The following GNL1 variants were observed in gnomAD, a reference collection of about 807,000 sequenced individuals.
GNL1 encodes guanine nucleotide-binding protein-like 1.
In GNL1, 21 loss-of-function variants were observed where a neutral mutation model predicts 75.2. The ratio of observed to expected loss-of-function variants is 0.28; its 90% CI spans 0.20 to 0.40. The LOEUF (loss-of-function observed/expected upper bound fraction) is 0.40, where lower values mean the gene tolerates loss of function less well. GNL1 is among the 10% of genes least tolerant of loss of function. The pLI is 1.00. For synonymous variants in GNL1, 287 were observed against 303.4 expected, an observed-to-expected ratio of 0.95 and a Z score of 0.56; for missense variants, 579 against 775.0, an observed-to-expected ratio of 0.75 and a Z score of 3.00.
chr6:30,547,553 A>G lies in GNL1; in HGVS notation c.1100-23T>C. The G allele has an allele frequency of 6.2e-7, 1 of 1,606,600 alleles. No individual in the cohort carries two copies. The highest frequency in any genetic ancestry group is 8.5e-7 in the Non-Finnish European group (1 of 1,173,746). On this transcript the variant is annotated intron_variant, in intron 8 of 11. Coordinates refer to ENST00000376621, the MANE Select transcript of GNL1 (RefSeq NM_005275.5). The surrounding 1 kb of genome is among the most constrained non-coding windows in gnomAD (Gnocchi z 5.5). The stretch of plus-strand genomic sequence containing the variant: ...AACCTGAGGAAGGCAAGGAAAATTA[A>G]CGTTTAACAGGTTTCTACTCTGTGA...
In GNL1 at chr6:30,546,534, T is replaced by C; in HGVS notation, c.1582+162A>G. The C allele has an allele frequency of 1.4e-6, 1 of 711,656 alleles. No individual in the cohort carries two copies. Among genetic ancestry groups the C allele is most frequent in the South Asian group, 1.8e-5 (1 of 55,908 alleles). The allele number at this position is 711,656 out of a possible 1,614,324, so 44.1% of individuals were successfully genotyped here. A position where few individuals can be genotyped will look rare whatever the true frequency, so the allele number is the denominator to read the frequency against. ...TACAATCACTATGCTAAGGGTCAAT[T>C]ATTACCCTCAGTTTGCAGATCAGGA... is the stretch of plus-strand genomic sequence containing the variant. On this transcript the variant is annotated intron_variant, in intron 11 of 11. Coordinates refer to ENST00000376621, the MANE Select transcript of GNL1 (RefSeq NM_005275.5). This position sits in a 1 kb window ranked among gnomAD's most constrained non-coding sequence, Gnocchi z 5.1.
intron 8 of GNL1, among the ~76,000 whole-genome samples, chr6:30,551,746 G>A (rs1244257325): frequency 4.6e-5 from 7 of 152,190 alleles, no homozygotes; most frequent in Non-Finnish European, 8.8e-5. Flanking sequence ...TTAAAACAGT[G>A]CCTGTTACAT....
Position 30,552,458 on chromosome 6 carries a change from C to G in GNL1, c.1099+9G>C. 1 of 1,607,758 alleles carries G rather than the reference C, an allele frequency of 6.2e-7. No individual in the cohort carries two copies. Among genetic ancestry groups the G allele is most frequent in the Non-Finnish European group, 8.5e-7 (1 of 1,175,502 alleles). ...GGAGGCCACCACGCACAAGCTGCCA[C>G]TTCCTTACCCACACAGCCGATGGTC... On this transcript the variant is annotated intron_variant, in intron 8 of 11. Coordinates refer to ENST00000376621, the MANE Select transcript of GNL1 (RefSeq NM_005275.5). The surrounding 1 kb of genome is among the most constrained non-coding windows in gnomAD (Gnocchi z 4.5).
In GNL1 at chr6:30,546,689, C is replaced by A; in HGVS notation, c.1582+7G>T. 1 of 1,601,048 alleles carries A rather than the reference C, an allele frequency of 6.2e-7. No individual in the cohort carries two copies. The highest frequency in any genetic ancestry group is 8.5e-7 in the Non-Finnish European group (1 of 1,172,600). On this transcript the variant is annotated splice_region_variant and intron_variant, in intron 11 of 11. Transcript: ENST00000376621. The surrounding 1 kb of genome is among the most constrained non-coding windows in gnomAD (Gnocchi z 5.1). ...AGGGGGCTGGGGAAGAATATCTGGG[C>A]TCTGACCTTTCTGTTCACTGTAGCC...
At chr6:30,549,143 G>A (rs934008555) in intron 8 of GNL1, among the ~76,000 whole-genome samples, 6 of 151,988 alleles carry the variant, frequency 3.9e-5, no homozygotes, top group African/African-American at 1.2e-4. Flanking sequence ...GACCACAGGC[G>A]TGCGGCTCCA....
In GNL1 at chr6:30,546,249, T is replaced by C; in HGVS notation, c.1647A>G (p.Ala549=). Residue 549 remains alanine, a synonymous_variant, in exon 12 of 12, where the codon GCA becomes GCG. Transcript: ENST00000376621. This position sits in a 1 kb window ranked among gnomAD's most constrained non-coding sequence, Gnocchi z 5.1. Reference sequence around the variant, plus strand: ...CCTCTTCCTCCTCCTCCTCGTCACCTGCTGGCCCCACCCTGCCCTGCAAAA... The same window carrying C: ...CCTCTTCCTCCTCCTCCTCGTCACCCGCTGGCCCCACCCTGCCCTGCAAAA... ...LVVLQGRVGP[A]GDEEEEEEEE... 6.3e-7 allele frequency: 1 copy of C among 1,587,938 alleles called. No individual in the cohort carries two copies. Among genetic ancestry groups the C allele is most frequent in the Admixed American group, 1.8e-5 (1 of 56,696 alleles).
rs371517330 is a variant in GNL1, at chr6:30,546,120, G to A, written c.1776C>T (p.Ser592=). 50 of 1,578,916 alleles carry A rather than the reference G, an allele frequency of 3.2e-5. No individual in the cohort carries two copies. Among genetic ancestry groups the A allele is most frequent in the Non-Finnish European group, 4.1e-5 (48 of 1,162,482 alleles). The part of the protein sequence containing the change: ...EETPTSAPGS[S]LAGRNPYALL... Reference sequence around the variant, plus strand: ...GGGCATAAGGGTTTCGGCCAGCCAGGCTGGACCCTGGAGCCGAGGTTGGGG... The same window carrying A: ...GGGCATAAGGGTTTCGGCCAGCCAGACTGGACCCTGGAGCCGAGGTTGGGG... Residue 592 remains serine (S), a synonymous_variant, in exon 12 of 12, where the codon AGC becomes AGT. Transcript: ENST00000376621. This position sits in a 1 kb window ranked among gnomAD's most constrained non-coding sequence, Gnocchi z 5.1.
In GNL1 at chr6:30,546,809, G is replaced by A; in HGVS notation, c.1469C>T (p.Thr490Ile). The A allele has an allele frequency of 6.3e-7, 1 of 1,592,984 alleles. No homozygotes were observed. Among genetic ancestry groups the A allele is most frequent in the South Asian group, 1.1e-5 (1 of 90,342 alleles). The change falls in exon 11 of 12, where the codon ACA becomes ATA. Residue 490 changes from threonine (T) to isoleucine (I), a missense_variant. Transcript: ENST00000376621. This position sits in a 1 kb window ranked among gnomAD's most constrained non-coding sequence, Gnocchi z 5.1. The stretch of plus-strand genomic sequence containing the variant: ...CACATCATTCCGAGCCGCCTTGGCT[G>A]TCTTGTAACCACGTTTCTCTGCCCA... ...EAWAEKRGYK[T>I]AKAARNDVYR...
intron 7 of GNL1, 58 bp downstream of exon 7, chr6:30,553,026 T>C (rs1349366981): frequency 2.5e-6 from 3 of 1,176,808 alleles, no homozygotes; most frequent in African/African-American, 1.5e-5. Context: ...AGCAAAATGA[T>C]TCTGCATCTT....
chr6:30,551,719 T>C (rs754513501), intron 8 of GNL1, among the ~76,000 whole-genome samples: 1 of 152,232 alleles, frequency 6.6e-6, no homozygotes, highest in Non-Finnish European at 1.5e-5. Context: ...ACAATTCAAA[T>C]GGTTTATATA....
rs924792742 is a variant in GNL1, at chr6:30,555,612, C to T, written c.182G>A (p.Arg61His). Residue 61 changes from arginine to histidine, a missense_variant, in exon 2 of 12, where the codon CGC becomes CAC. By Grantham distance (29) the Arg-to-His change is conservative (BLOSUM62 0). Transcript: ENST00000376621. This position sits in a 1 kb window ranked among gnomAD's most constrained non-coding sequence, Gnocchi z 4.3. ...CTGAGAAGGCTGCTGGTTAAGCCTG[C>T]GGATATGATGGGTCACAGACTCCCC... ...SDGESVTHHI[R>H]RLNQQPSQGL... The T allele has an allele frequency of 1.9e-6, 3 of 1,613,938 alleles. No homozygotes were observed. In the African/African-American group the frequency reaches 4.0e-5, roughly 22 times the overall value.
At position 30,546,871 on chromosome 6, in the gene GNL1, A is replaced by G. The variant is rs180674619; in HGVS notation, c.1442-35T>C. 2.6e-6 allele frequency: 4 copies of G among 1,555,230 alleles called. No homozygotes were observed. The East Asian group carries it at 6.8e-5, about 26-fold the overall frequency. On this transcript the variant is annotated intron_variant, in intron 10 of 11. Transcript: ENST00000376621. This position sits in a 1 kb window ranked among gnomAD's most constrained non-coding sequence, Gnocchi z 5.1. ...GAAAAGAATAATGGAAAGGGAAAGC[A>G]TTAACCAGGTACCAGTTATACTCCC... is the stretch of plus-strand genomic sequence containing the variant.
At position 30,555,939 on chromosome 6, in the gene GNL1, C is replaced by T. The variant is rs1248162508; in HGVS notation, c.73+192G>A. 14 of 824,546 alleles carry T rather than the reference C, an allele frequency of 1.7e-5. No individual in the cohort carries two copies. Among genetic ancestry groups the T allele is most frequent in the Admixed American group, 7.1e-5 (3 of 42,352 alleles). The allele number at this position is 824,546 out of a possible 1,614,324, so 51.1% of individuals were successfully genotyped here. ...CCGTGCTAGCTGGAGGGATTCCCCT[C>T]CCCCAACTCTCCATCCTTCCCCACC... On this transcript the variant is annotated intron_variant, in intron 1 of 11. Coordinates refer to ENST00000376621, the MANE Select transcript of GNL1 (RefSeq NM_005275.5). This position sits in a 1 kb window ranked among gnomAD's most constrained non-coding sequence, Gnocchi z 4.3.
Position 30,547,417 on chromosome 6 carries a change from G to C in GNL1, c.1213C>G (p.Pro405Ala), listed in dbSNP as rs748005256. The C allele has an allele frequency of 5.0e-6, 8 of 1,613,892 alleles. No homozygotes were observed. The highest frequency in any genetic ancestry group is 6.8e-6 in the Non-Finnish European group (8 of 1,179,946). Residue 405 changes from proline to alanine, a missense_variant, in exon 9 of 12, where the codon CCC becomes GCC. By Grantham distance (27) the Pro-to-Ala change is conservative. Transcript: ENST00000376621. This position sits in a 1 kb window ranked among gnomAD's most constrained non-coding sequence, Gnocchi z 5.5. ...TRYFQTYFLT[P>A]SVKLCDCPGL... ...GGGCAGTCACAGAGCTTCACAGAGG[G>C]GGTAAGAAAGTAGGTCTGAAAGTAT...
Position 30,555,135 on chromosome 6 carries a change from GCT to G in GNL1, c.294_295del (p.Arg98SerfsTer13). On this transcript the variant is annotated frameshift_variant, in exon 3 of 12. Transcript: ENST00000376621. LOFTEE classifies it high-confidence loss of function. The surrounding 1 kb of genome is among the most constrained non-coding windows in gnomAD (Gnocchi z 4.3). ...CGGCTGTAGAACTTGCTCCCGGGCT[GCT>G]CTCTTTCTCCTCTCTACCTCCTCCC... 6.2e-7 allele frequency: 1 copy of G among 1,612,924 alleles called. No homozygotes were observed. Among genetic ancestry groups the G allele is most frequent in the Non-Finnish European group, 8.5e-7 (1 of 1,179,946 alleles).
At chr6:30,551,787 CAAT>C (rs566652587) in intron 8 of GNL1, among the ~76,000 whole-genome samples, 308 of 152,238 alleles carry the variant, frequency 2.0e-3, no homozygotes, top group Non-Finnish European at 3.5e-3. Flanking sequence ...TGAGTTTTAA[CAAT>C]AATAATTGTT....
chr6:30,555,415 G>A lies in GNL1; in HGVS notation c.239+140C>T. ...CCTCTGGAAAGGAAGACTGTGGCCC[G>A]CTGTGGGGAGCCGAGTGGCTAGCGG... On this transcript the variant is annotated intron_variant, in intron 2 of 11. Transcript: ENST00000376621. The surrounding 1 kb of genome is among the most constrained non-coding windows in gnomAD (Gnocchi z 4.3). 1 of 990,748 alleles carries A rather than the reference G, an allele frequency of 1.0e-6. No individual in the cohort carries two copies. 61.4% of individuals were successfully genotyped at this position (990,748 alleles called of 1,614,324 possible). A position where few individuals can be genotyped will look rare whatever the true frequency, so the allele number is the denominator to read the frequency against.
chr6:30,545,984 T>C lies in GNL1; in HGVS notation c.*88A>G. 4.4e-6 allele frequency: 4 copies of C among 917,026 alleles called. No individual in the cohort carries two copies. The South Asian group carries it at 4.6e-5, about 10-fold the overall frequency. 56.8% of individuals were successfully genotyped at this position (917,026 alleles called of 1,614,324 possible). On this transcript the variant is annotated 3_prime_UTR_variant, in exon 12 of 12. Coordinates refer to ENST00000376621, the MANE Select transcript of GNL1 (RefSeq NM_005275.5). Reference sequence around the variant, plus strand: ...GGGGCTACAAAGCAAACAATCTTTATTCACAATTGGGGTGGCAGAGGGGAG... The same window carrying C: ...GGGGCTACAAAGCAAACAATCTTTACTCACAATTGGGGTGGCAGAGGGGAG...
Position 30,548,761 on chromosome 6 carries a change from G to A in GNL1, c.1100-1231C>T, listed in dbSNP as rs1799589489. On this transcript the variant is annotated intron_variant, in intron 8 of 11. Transcript: ENST00000376621. The surrounding 1 kb of genome is among the most constrained non-coding windows in gnomAD (Gnocchi z 4.2). The stretch of plus-strand genomic sequence containing the variant: ...AACACATGCAAGTATCTAGGAGGAA[G>A]GGAGGGAAGGAGGGAGAAAAAAGTT... Among the ~76,000 whole-genome samples, 1 of 152,176 alleles carries A rather than the reference G, an allele frequency of 6.6e-6. No homozygotes were observed. Among genetic ancestry groups the A allele is most frequent in the Non-Finnish European group, 1.5e-5 (1 of 68,032 alleles).
Sources: gnomAD v4.1 joint callset for allele counts (sites outside exome capture counted in the v4.1 genomes callset) on GRCh38, gnomAD v4.1.1 for gene constraint, Gnocchi (gnomAD v3.1) non-coding constraint, MANE v1.5 for transcripts, NCBI Gene and HGNC (gene_info 2026-07-23, HGNC 2026-07-21) for gene names.